The following MS4A5 variants were observed in gnomAD, a reference collection of about 807,000 sequenced individuals.
MS4A5 encodes the protein membrane-spanning 4-domains subfamily A member 5.
In MS4A5, 15 loss-of-function variants were observed where a neutral mutation model predicts 18.2. That is an observed-to-expected ratio of 0.83 (90% CI 0.55 to 1.27). The LOEUF (loss-of-function observed/expected upper bound fraction) is 1.27, where lower values mean the gene tolerates loss of function less well. MS4A5 is among the 50% of genes most tolerant of loss of function. MS4A5 has a pLI of 0.00. For missense variants in MS4A5, 232 were observed against 225.7 expected (o/e 1.03, Z -0.18); for synonymous variants, 89 against 78.7 (o/e 1.13, Z -0.69).
chr11:60,433,939 A>T (rs772880849), intron 4 of MS4A5, 22 bp downstream of exon 4: 1 of 1,608,358 alleles, frequency 6.2e-7, no homozygotes, highest in Middle Eastern at 1.7e-4. Flanking sequence ...GCATTTATAG[A>T]GTGATGAGTA....
rs1396147244 is a variant in MS4A5 at position 60,430,929 on chromosome 11, G to T, written c.282+5G>T. ...CCATTCTGGGGCTCTGTTTTGGTGA[G>T]TATAGTCAATCAAGTTCAATTTGAA... On this transcript the variant is annotated splice_donor_5th_base_variant and intron_variant, in intron 2 of 4. Coordinates refer to ENST00000300190, the MANE Select transcript of MS4A5 (RefSeq NM_023945.3). 5 of 1,604,348 alleles carry T rather than the reference G, an allele frequency of 3.1e-6. No individual in the cohort carries two copies. Among genetic ancestry groups the T allele is most frequent in the Admixed American group, 1.7e-5 (1 of 57,810 alleles).
chr11:60,440,860 T>TC (rs2086107651), intron 4 of MS4A5, among the ~76,000 whole-genome samples: 1 of 132,416 alleles, frequency 7.6e-6, no homozygotes, highest in Non-Finnish European at 1.6e-5. Context: ...ATTGTGGAAG[T>TC]CAGTGTGGCA....
rs2086083891 is a variant in MS4A5 at position 60,436,983 on chromosome 11, A to G, written c.492+3066A>G. Among the ~76,000 whole-genome samples the G allele has an allele frequency of 1.5e-5, 2 of 133,488 alleles. 1 individual carries two copies. Among genetic ancestry groups the G allele is most frequent in the South Asian group, 4.8e-4 (2 of 4,178 alleles). 87.6% of individuals were successfully genotyped at this position (133,488 alleles called of 152,430 possible). On this transcript the variant is annotated intron_variant, in intron 4 of 4. Coordinates refer to ENST00000300190, the MANE Select transcript of MS4A5 (RefSeq NM_023945.3). ...GACACATAATTGTGAGATTCACCAAAGTGGAAATGAAGGAAAAAATGTTAA... is the reference window on the plus strand; with the variant it reads ...GACACATAATTGTGAGATTCACCAAGGTGGAAATGAAGGAAAAAATGTTAA...
At chr11:60,432,631 C>T (rs2135171293) in intron 3 of MS4A5, among the ~76,000 whole-genome samples, 164 bp downstream of exon 3, 1 of 151,808 alleles carries the variant, frequency 6.6e-6, no homozygotes, top group African/African-American at 2.4e-5. Context: ...ACTAAAAATA[C>T]AAAATTAGCC....
At chr11:60,442,048 C>T (rs1208959811) in intron 4 of MS4A5, among the ~76,000 whole-genome samples, 2 of 152,156 alleles carry the variant, frequency 1.3e-5, no homozygotes, top group Non-Finnish European at 2.9e-5. Flanking sequence ...ACACATTTCT[C>T]AGCAACTGAA....
intron 4 of MS4A5, among the ~76,000 whole-genome samples, chr11:60,443,615 A>G (rs1488342919): frequency 6.6e-6 from 1 of 152,044 alleles, no homozygotes; most frequent in Non-Finnish European, 1.5e-5. Flanking sequence ...AGTATTCTAT[A>G]ATAGACATAA....
chr11:60,436,253 T>A (rs1312794134), intron 4 of MS4A5, among the ~76,000 whole-genome samples: 1 of 149,626 alleles, frequency 6.7e-6, no homozygotes, highest in East Asian at 2.0e-4. Flanking sequence ...AGAAAGGACA[T>A]CCACACCAAA....
Position 60,431,675 on chromosome 11 carries a change from G to C in MS4A5, c.283-736G>C, listed in dbSNP as rs139988068. 7.6e-3 allele frequency among the ~76,000 whole-genome samples: 1,164 copies of C among 152,304 alleles called. 13 individuals are homozygous for C. Among genetic ancestry groups the C allele is most frequent in the South Asian group, 0.024 (118 of 4,820 alleles). On this transcript the variant is annotated intron_variant, in intron 2 of 4. Coordinates refer to ENST00000300190, the MANE Select transcript of MS4A5 (RefSeq NM_023945.3). ...CTTGACCAAGTTTTAAAGGGTGAAT[G>C]GTTAATCAGGTGAGGACACACACAC...
Position 60,433,924 on chromosome 11 carries a change from A to T in MS4A5, c.492+7A>T. 1 of 1,613,344 alleles carries T rather than the reference A, an allele frequency of 6.2e-7. No individual in the cohort carries two copies. The highest frequency in any genetic ancestry group is 2.2e-5 in the East Asian group (1 of 44,864). ...TGTTACTGTCCTGTTCTTGGTAAGT[A>T]TGTTGCATTTATAGAGTGATGAGTA... On this transcript the variant is annotated splice_region_variant and intron_variant, in intron 4 of 4. Transcript: ENST00000300190.
At chr11:60,447,571 A>G (rs1421347871) in intron 4 of MS4A5, 78 bp from the exon 5 acceptor site, 3 of 741,274 alleles carry the variant, frequency 4.0e-6, no homozygotes, top group Non-Finnish European at 4.4e-6. Context: ...GGGCATCACT[A>G]TGTCATTATA....
At chr11:60,440,632 T>G (rs2086106326) in intron 4 of MS4A5, among the ~76,000 whole-genome samples, 1 of 150,560 alleles carries the variant, frequency 6.6e-6, no homozygotes, top group Non-Finnish European at 1.5e-5. Context: ...GAACAGACAC[T>G]TCTTAAAAGA....
chr11:60,441,915 A>T (rs3862661), intron 4 of MS4A5, among the ~76,000 whole-genome samples: 40,808 of 152,020 alleles, frequency 0.27, 5,920 homozygotes, highest in Admixed American at 0.39. Context: ...AAAAGGGTCG[A>T]TTCACAAGAG....
At chr11:60,431,770 T>A (rs1329592778) in intron 2 of MS4A5, among the ~76,000 whole-genome samples, 2 of 152,142 alleles carry the variant, frequency 1.3e-5, no homozygotes, top group African/African-American at 4.8e-5. Flanking sequence ...GGGAGAAATA[T>A]GAGCACAGGC....
intron 3 of MS4A5, among the ~76,000 whole-genome samples, chr11:60,432,683 G>A (rs1455195424): frequency 6.6e-6 from 1 of 151,398 alleles, no homozygotes; most frequent in Non-Finnish European, 1.5e-5. Flanking sequence ...TACTCAGGAG[G>A]CTGAGGCAGG....
At chr11:60,444,602 A>G (rs774192016) in intron 4 of MS4A5, among the ~76,000 whole-genome samples, 10 of 152,228 alleles carry the variant, frequency 6.6e-5, no homozygotes, top group Non-Finnish European at 1.3e-4. Context: ...AAAGATTAAG[A>G]CTTGAGCAAG....
rs781043426 is a variant in MS4A5, at chr11:60,430,921, T to C, written c.279T>C (p.Val93=). The C allele has an allele frequency of 6.2e-7, 1 of 1,611,594 alleles. No individual in the cohort carries two copies. Among genetic ancestry groups the C allele is most frequent in the Non-Finnish European group, 8.5e-7 (1 of 1,179,642 alleles). Residue 93 remains valine, a synonymous_variant, in exon 2 of 5, where the codon GTT becomes GTC. Coordinates refer to ENST00000300190, the MANE Select transcript of MS4A5 (RefSeq NM_023945.3). ...FLSGYPFWGS[V]LFINSGAFLI... is the part of the protein sequence containing the mutation. Reference sequence around the variant, plus strand: ...CAGGATATCCATTCTGGGGCTCTGTTTTGGTGAGTATAGTCAATCAAGTTC... The same window carrying C: ...CAGGATATCCATTCTGGGGCTCTGTCTTGGTGAGTATAGTCAATCAAGTTC...
At chr11:60,446,950 T>C (rs2086141564) in intron 4 of MS4A5, among the ~76,000 whole-genome samples, 2 of 152,214 alleles carry the variant, frequency 1.3e-5, no homozygotes, top group Non-Finnish European at 2.9e-5. Flanking sequence ...ATTTTATGCA[T>C]TTATAAAATG....
At chr11:60,429,910 T>C in intron 1 of MS4A5, 83 bp downstream of exon 1, 1 of 1,297,954 alleles carries the variant, frequency 7.7e-7, no homozygotes, top group African/African-American at 1.5e-5. Context: ...TGTTTGAAGG[T>C]AGGAGCCTAT....
chr11:60,429,726 A>G lies in MS4A5; in HGVS notation c.52A>G (p.Ile18Val), dbSNP rs1373661612. The stretch of plus-strand genomic sequence containing the variant: ...GGTGTTTCTGGTATTTCCTCCAGAA[A>G]TCACTGCTTCAGAATATGAGTCCAC... ...SPVFLVFPPE[I>V]TASEYESTEL... The change falls in exon 1 of 5, where the codon ATC becomes GTC. Residue 18 changes from isoleucine to valine, a missense_variant. By Grantham distance (29) the Ile-to-Val change is conservative. Coordinates refer to ENST00000300190, the MANE Select transcript of MS4A5 (RefSeq NM_023945.3). 1 of 1,614,110 alleles carries G rather than the reference A, an allele frequency of 6.2e-7. No individual in the cohort carries two copies. Among genetic ancestry groups the G allele is most frequent in the Admixed American group, 1.7e-5 (1 of 60,010 alleles).
Sources: gnomAD v4.1 joint callset for allele counts (sites outside exome capture counted in the v4.1 genomes callset) on GRCh38, gnomAD v4.1.1 for gene constraint, MANE v1.5 for transcripts, NCBI Gene and HGNC (gene_info 2026-07-23, HGNC 2026-07-21) for gene names.